Variants in CD7 observed in about 807,000 individuals in gnomAD.
CD7 encodes T-cell antigen CD7.
Under a neutral mutation model 17.6 loss-of-function variants are expected in CD7, and 19 were observed. That is an observed-to-expected ratio of 1.08 (90% confidence interval 0.75 to 1.58). CD7 has a LOEUF of 1.58. Among genes scored for constraint, CD7 ranks in the 40% most tolerant of loss-of-function variants. The pLI is 0.00. For synonymous variants in CD7, 160 were observed against 159.8 expected (o/e 1.00, Z -0.01); for missense variants, 291 against 327.1 (o/e 0.89, Z 0.85).
At position 82,317,608 on chromosome 17, in the gene CD7, G is replaced by T. The variant is rs558613504; in HGVS notation, c.-113C>A. The T allele has an allele frequency of 9.9e-7, 1 of 1,011,240 alleles. No homozygotes were observed. Among genetic ancestry groups the T allele is most frequent in the South Asian group, 1.7e-5 (1 of 59,634 alleles). The allele number at this position is 1,011,240 out of a possible 1,614,324, so 62.6% of individuals were successfully genotyped here. A position where few individuals can be genotyped will look rare whatever the true frequency, so the allele number is the denominator to read the frequency against. On this transcript the variant is annotated 5_prime_UTR_variant, in exon 1 of 4. Transcript: ENST00000312648. ...ACCGCAGGCGCTCAGAGCTCAGAGA[G>T]GGCTTCCTGGAGGCGGTGCCTCAGA...
chr17:82,315,744 G>C, intron 3 of CD7: 1 of 549,888 alleles, frequency 1.8e-6, no homozygotes, highest in South Asian at 2.1e-5. Context: ...CCTAGACTCT[G>C]TGTCTGTCTG....
At chr17:82,316,485 C>A in intron 2 of CD7, 76 bp from the exon 3 acceptor site, 1 of 1,378,828 alleles carries the variant, frequency 7.3e-7, no homozygotes, top group Non-Finnish European at 9.9e-7. Flanking sequence ...GGATTCGGGG[C>A]AGGGAAAGGC....
chr17:82,317,275 G>T, intron 1 of CD7, 139 bp downstream of exon 1: 4 of 853,216 alleles, frequency 4.7e-6, no homozygotes, highest in Non-Finnish European at 7.3e-6. Flanking sequence ...TCTCTTAAAT[G>T]AGTCCTCAGA....
rs2052015448 is a variant in CD7 at position 82,316,344 on chromosome 17, G to C, written c.463C>G (p.Pro155Ala). The C allele has an allele frequency of 6.3e-7, 1 of 1,591,548 alleles. No individual in the cohort carries two copies. The highest frequency in any genetic ancestry group is 1.3e-5 in the African/African-American group (1 of 74,530). The change falls in exon 3 of 4, where the codon CCA becomes GCA. Residue 155 changes from proline to alanine, a missense_variant. Physicochemically the swap from Pro to Ala is conservative, Grantham distance 27. Coordinates refer to ENST00000312648, the MANE Select transcript of CD7 (RefSeq NM_006137.7). ...TCAGGGAGGGCGGAGCCTGTCGGTG[G>C]GGCAGGGAGGGCAGAGGCCCTTGGT... ...APPRASALPA[P>A]PTGSALPDPQ...
intron 1 of CD7, 188 bp from the exon 2 acceptor site, chr17:82,317,169 T>G: frequency 1.5e-6 from 1 of 662,824 alleles, no homozygotes; most frequent in Non-Finnish European, 2.5e-6. Context: ...GGAGGTGCTG[T>G]CCTCGTGTTC....
chr17:82,316,185 T>G lies in CD7; in HGVS notation c.612+10A>C, dbSNP rs1409123677. 6.4e-7 allele frequency: 1 copy of G among 1,553,274 alleles called. No homozygotes were observed. Among genetic ancestry groups the G allele is most frequent in the African/African-American group, 1.4e-5 (1 of 73,358 alleles). ...TTGGGGTGCAGGTGGCAGCTGGGGC[T>G]CACACTGACCTGTGTCCTCGCCAGC... is the stretch of plus-strand genomic sequence containing the variant. On this transcript the variant is annotated intron_variant, in intron 3 of 3. Transcript: ENST00000312648.
In CD7 at chr17:82,315,228, C is replaced by CGTG; in HGVS notation, c.*92_*93insCAC. 1 of 804,958 alleles carries CGTG rather than the reference C, an allele frequency of 1.2e-6. No homozygotes were observed. The highest frequency in any genetic ancestry group is 2.0e-6 in the Non-Finnish European group (1 of 496,980). 49.9% of individuals were successfully genotyped at this position (804,958 alleles called of 1,614,324 possible). On this transcript the variant is annotated 3_prime_UTR_variant, in exon 4 of 4. Transcript: ENST00000312648. ...AAACTCTGCTGCAGCCGTGGGAGGA[C>CGTG]AGCAGGGTGAGGGGTGTGGCAGGGT... is the stretch of plus-strand genomic sequence containing the variant.
intron 1 of CD7, 76 bp from the exon 2 acceptor site, chr17:82,317,057 G>A: frequency 7.5e-7 from 1 of 1,324,822 alleles, no homozygotes; most frequent in Non-Finnish European, 1.0e-6. Context: ...GGACAGTGGT[G>A]GGGATGGTGG....
At chr17:82,316,542 T>C (rs1398760936) in intron 2 of CD7, 125 bp downstream of exon 2, 28 of 1,285,556 alleles carry the variant, frequency 2.2e-5, no homozygotes, top group Non-Finnish European at 2.8e-5. Context: ...CTGGGGGCAG[T>C]GGGCTGGGAG....
rs534643401 is a variant in CD7, at chr17:82,316,316, G to A, written c.491C>T (p.Pro164Leu). Residue 164 changes from proline (P) to leucine (L), a missense_variant, in exon 3 of 4, where the codon CCG becomes CTG. By Grantham distance (98) the Pro-to-Leu change is moderately conservative. Transcript: ENST00000312648. Reference sequence around the variant, plus strand: ...GTCAGGGAGGGCAGAGGCTGTCTGCGGGTCAGGGAGGGCGGAGCCTGTCGG... The same window carrying A: ...GTCAGGGAGGGCAGAGGCTGTCTGCAGGTCAGGGAGGGCGGAGCCTGTCGG... ...APPTGSALPD[P>L]QTASALPDPP... 20 of 1,574,036 alleles carry A rather than the reference G, an allele frequency of 1.3e-5. No individual in the cohort carries two copies. The highest frequency in any genetic ancestry group is 4.6e-5 in the East Asian group (2 of 43,206).
chr17:82,315,378 G>A lies in CD7; in HGVS notation c.666C>T (p.Tyr222=), dbSNP rs757217518. The change falls in exon 4 of 4, where the codon TAC becomes TAT. Residue 222 remains tyrosine, a synonymous_variant. Coordinates refer to ENST00000312648, the MANE Select transcript of CD7 (RefSeq NM_006137.7). ...RDKNSAACVV[Y]EDMSHSRCNT... ...TGCAGCGGCTGTGCGACATGTCCTC[G>A]TACACCACACATGCCGCCGAATTCT... 165 of 1,613,294 alleles carry A rather than the reference G, an allele frequency of 1.0e-4. 1 individual carries two copies. The highest frequency in any genetic ancestry group is 2.0e-4 in the African/African-American group (15 of 74,836).
intron 3 of CD7, chr17:82,315,678 G>C (rs1212959011): frequency 1.8e-6 from 1 of 550,490 alleles, no homozygotes; most frequent in African/African-American, 1.9e-5. Flanking sequence ...CCCAAGCCAA[G>C]CGGGACCCCC....
chr17:82,316,598 G>C, intron 2 of CD7, 69 bp downstream of exon 2: 1 of 1,509,618 alleles, frequency 6.6e-7, no homozygotes, highest in Non-Finnish European at 9.1e-7. Context: ...CCACGACAAG[G>C]GCTGGGGGAG....
At chr17:82,315,654 A>C (rs937828066) in intron 3 of CD7, 2 of 550,516 alleles carry the variant, frequency 3.6e-6, no homozygotes, top group African/African-American at 1.9e-5. Context: ...AGTGGCTTGG[A>C]CCCCCCCACC....
chr17:82,317,042 G>T (rs1284073244), intron 1 of CD7, 61 bp from the exon 2 acceptor site: 1 of 1,437,562 alleles, frequency 7.0e-7, no homozygotes, highest in South Asian at 1.3e-5. Flanking sequence ...TGTCCTCCCT[G>T]CAGGGGACAG....
intron 3 of CD7, 163 bp downstream of exon 3, chr17:82,316,032 C>T: frequency 1.3e-6 from 1 of 794,248 alleles, no homozygotes; most frequent in Non-Finnish European, 2.1e-6. Flanking sequence ...GTGCTGGTCC[C>T]CCTCCCTCCC....
rs533170626 is a variant in CD7, at chr17:82,316,811, G to A, written c.253C>T (p.Arg85Trp). 1.5e-5 allele frequency: 24 copies of A among 1,613,870 alleles called. No homozygotes were observed. Among genetic ancestry groups the A allele is most frequent in the South Asian group, 1.2e-4 (11 of 91,092 alleles). Reference protein sequence around the residue: ...GVVPTTDRRFRGRIDFSGSQD... With the variant: ...GVVPTTDRRFWGRIDFSGSQD... ...GACCCTGAGAAGTCGATGCGGCCCC[G>A]GAACCGTCTGTCCGTAGTGGGCACC... Residue 85 changes from arginine (R) to tryptophan (W), a missense_variant, in exon 2 of 4, where the codon CGG (arginine) becomes TGG (tryptophan). Physicochemically the swap from Arg to Trp is moderately radical, Grantham distance 101 (BLOSUM62 -3). Transcript: ENST00000312648.
chr17:82,316,008 C>T (rs976622847), intron 3 of CD7, 187 bp downstream of exon 3: 4 of 701,908 alleles, frequency 5.7e-6, no homozygotes, highest in African/African-American at 3.6e-5. Context: ...CTCCCTCCCC[C>T]TCAGGTCGCT....
In CD7 at chr17:82,316,216, C is replaced by T. The variant is rs755680508; in HGVS notation, c.591G>A (p.Ala197=). 2.4e-5 allele frequency: 37 copies of T among 1,564,140 alleles called. No individual in the cohort carries two copies. Among genetic ancestry groups the T allele is most frequent in the Middle Eastern group, 1.7e-4 (1 of 5,988 alleles). The change falls in exon 3 of 4, where the codon GCG becomes GCA. Residue 197 remains alanine, a synonymous_variant. Transcript: ENST00000312648. ...SFLLGLGLGV[A]CVLARTQIKK... is the part of the protein sequence containing the mutation. ...TGACCTGTGTCCTCGCCAGCACACA[C>T]GCCACCCCCAGGCCCAGCCCGAGGA...
Sources: allele counts gnomAD v4.1 joint callset, GRCh38; gene constraint gnomAD v4.1.1; transcripts MANE v1.5; gene names NCBI Gene and HGNC (gene_info 2026-07-23, HGNC 2026-07-21).